Variants in DGKI observed in about 807,000 individuals in gnomAD.
DGKI encodes DAG kinase iota.
In DGKI, 55 loss-of-function variants were observed where a neutral mutation model predicts 147.5. That is an observed-to-expected ratio of 0.37 (90% CI 0.30 to 0.47). The LOEUF (loss-of-function observed/expected upper bound fraction) is 0.47, where lower values mean the gene tolerates loss of function less well. Ranked by LOEUF, DGKI falls within the 20% of genes least tolerant of loss-of-function variation. The pLI is 1.00. For missense variants in DGKI, 1,007 were observed against 1,323.8 expected (o/e 0.76, Z 3.71); for synonymous variants, 469 against 477.1 (o/e 0.98, Z 0.22).
At chr7:137,416,656 G>A (rs570842732) in intron 28 of DGKI, among the ~76,000 whole-genome samples, 94 of 152,284 alleles carry the variant, frequency 6.2e-4, no homozygotes, top group Non-Finnish European at 8.2e-4. Context: ...GCATGTCAGT[G>A]TGAGTCTGCT....
In DGKI at chr7:137,846,769, T is replaced by TGGCGGC. The variant is rs527683728; in HGVS notation, c.88_93dup (p.Ala30_Ala31dup). On this transcript the variant is annotated inframe_insertion, in exon 1 of 33. Transcript: ENST00000614521. This position sits in a 1 kb window ranked among gnomAD's most constrained non-coding sequence, Gnocchi z 4.0. ...GCGCCGCTGCAGGGGCCGGGCGGGC[T>TGGCGGC]GGCGGCGGCGGCGGCGGCGGCTGCA... 1,875 of 1,050,544 alleles carry TGGCGGC rather than the reference T, an allele frequency of 1.8e-3. 16 individuals carry two copies. In the African/African-American group the frequency reaches 0.022, roughly 12 times the overall value. 65.1% of individuals were successfully genotyped at this position (1,050,544 alleles called of 1,614,324 possible). A position where few individuals can be genotyped will look rare whatever the true frequency, so the allele number is the denominator to read the frequency against.
chr7:137,652,457 T>C (rs1822062739), intron 5 of DGKI, among the ~76,000 whole-genome samples: 1 of 152,188 alleles, frequency 6.6e-6, no homozygotes, highest in East Asian at 1.9e-4. Flanking sequence ...TGGAAAGTCA[T>C]AAACTCCATC....
At chr7:137,782,222 G>A (rs1407244960) in intron 1 of DGKI, among the ~76,000 whole-genome samples, 1 of 152,164 alleles carries the variant, frequency 6.6e-6, no homozygotes, top group Non-Finnish European at 1.5e-5. Flanking sequence ...GTCACTGGCT[G>A]CCTGGAAATA....
intron 22 of DGKI, among the ~76,000 whole-genome samples, chr7:137,486,086 C>CA (rs1211926721): frequency 1.3e-5 from 2 of 152,096 alleles, no homozygotes; most frequent in Non-Finnish European, 2.9e-5. Flanking sequence ...TGATTCTATT[C>CA]ACAGATGTCA....
intron 21 of DGKI, among the ~76,000 whole-genome samples, chr7:137,501,489 A>T (rs924281152): frequency 6.6e-6 from 1 of 152,150 alleles, no homozygotes; most frequent in Admixed American, 6.5e-5. Context: ...ATTCCCATCA[A>T]CAGTGTAGAG....
chr7:137,616,280 T>C (rs1334029476), intron 8 of DGKI, among the ~76,000 whole-genome samples: 3 of 152,186 alleles, frequency 2.0e-5, no homozygotes, highest in Non-Finnish European at 4.4e-5. Flanking sequence ...CATAGGATAC[T>C]ATGATGATAA....
chr7:137,637,150 C>A (rs1312485222), intron 6 of DGKI, among the ~76,000 whole-genome samples: 1 of 152,194 alleles, frequency 6.6e-6, no homozygotes, highest in Admixed American at 6.5e-5. Flanking sequence ...TTGGCTAAGG[C>A]CTCTGTTGTG....
intron 2 of DGKI, among the ~76,000 whole-genome samples, chr7:137,689,381 G>A (rs1026444616): frequency 6.6e-6 from 1 of 152,196 alleles, no homozygotes; most frequent in African/African-American, 2.4e-5. Flanking sequence ...TTGTGAGTGT[G>A]TTATGGTTAA....
At chr7:137,474,838 C>T (rs1044621248) in intron 23 of DGKI, among the ~76,000 whole-genome samples, 3 of 152,124 alleles carry the variant, frequency 2.0e-5, no homozygotes, top group Admixed American at 6.5e-5. Flanking sequence ...TTGAGAGGCA[C>T]GACAATCCTG....
At position 137,716,969 on chromosome 7, in the gene DGKI, C is replaced by T. The variant is rs1794395121; in HGVS notation, c.402-26967G>A. Among the ~76,000 whole-genome samples the T allele has an allele frequency of 1.3e-5, 2 of 152,210 alleles. 1 individual carries two copies. The highest frequency in any genetic ancestry group is 4.1e-4 in the South Asian group (2 of 4,826). On this transcript the variant is annotated intron_variant, in intron 1 of 32. Coordinates refer to ENST00000614521, the MANE Select transcript of DGKI (RefSeq NM_001321708.2). ...ATCCTTTTACTCACCAGTAACCTTA[C>T]TCTCTCCTTCCAGATGGGCTTTTAT... is the stretch of plus-strand genomic sequence containing the variant.
At chr7:137,476,280 CAAA>C (rs769891643) in intron 23 of DGKI, among the ~76,000 whole-genome samples, 8 of 152,116 alleles carry the variant, frequency 5.3e-5, no homozygotes, top group Non-Finnish European at 1.2e-4. Context: ...GACAAGCTGT[CAAA>C]AAATCACTGA....
intron 1 of DGKI, among the ~76,000 whole-genome samples, chr7:137,709,668 A>G (rs1254467213): frequency 1.3e-5 from 2 of 152,200 alleles, no homozygotes; most frequent in African/African-American, 4.8e-5. Flanking sequence ...CAAGTCTCAA[A>G]GAATTCCAAA....
At chr7:137,836,452 T>C (rs189633313) in intron 1 of DGKI, among the ~76,000 whole-genome samples, 16 of 152,294 alleles carry the variant, frequency 1.1e-4, no homozygotes, top group Non-Finnish European at 2.1e-4. Flanking sequence ...ACCAGACTCT[T>C]CTAAGAATAT....
chr7:137,574,893 C>T (rs1468676194), intron 17 of DGKI, among the ~76,000 whole-genome samples: 2 of 152,160 alleles, frequency 1.3e-5, no homozygotes, highest in Non-Finnish European at 2.9e-5. Context: ...ACATTACTAG[C>T]TATTGCATTA....
chr7:137,471,380 C>G (rs78039529), intron 23 of DGKI, among the ~76,000 whole-genome samples: 3 of 152,116 alleles, frequency 2.0e-5, no homozygotes, highest in Non-Finnish European at 2.9e-5. Flanking sequence ...GAGAAGAAAA[C>G]AGGAATAACA....
intron 8 of DGKI, among the ~76,000 whole-genome samples, chr7:137,611,105 C>T (rs957479918): frequency 6.6e-6 from 1 of 152,162 alleles, no homozygotes; most frequent in African/African-American, 2.4e-5. Context: ...ATGTCCCTCA[C>T]TGAGGAATAT....
At chr7:137,744,756 C>T (rs539388597) in intron 1 of DGKI, among the ~76,000 whole-genome samples, 6 of 152,212 alleles carry the variant, frequency 3.9e-5, no homozygotes, top group African/African-American at 9.6e-5. Flanking sequence ...AATTAATAAG[C>T]GTGATTTACC....
Position 137,466,908 on chromosome 7 carries a change from T to C in DGKI, c.2478A>G (p.Arg826=). The C allele has an allele frequency of 6.2e-7, 1 of 1,614,106 alleles. No homozygotes were observed. Among genetic ancestry groups the C allele is most frequent in the Non-Finnish European group, 8.5e-7 (1 of 1,180,018 alleles). Residue 826 remains arginine, a synonymous_variant, in exon 25 of 33, where the codon AGA becomes AGG. Transcript: ENST00000614521. ...AGGCTGGAAAAAAACTTACCTGAGA[T>C]CTGTCTATTCGATAAAAGCGATCAG... ...TSADRFYRID[R]SQEHLHFVME...
intron 28 of DGKI, among the ~76,000 whole-genome samples, chr7:137,416,895 A>G (rs1812382194): frequency 6.6e-6 from 1 of 152,192 alleles, no homozygotes; most frequent in South Asian, 2.1e-4. Flanking sequence ...GAAAAGCATG[A>G]ATATTTATTT....
Sources: allele counts gnomAD v4.1 joint callset (sites outside exome capture counted in the v4.1 genomes callset), GRCh38; gene constraint gnomAD v4.1.1; non-coding constraint Gnocchi (gnomAD v3.1); transcripts MANE v1.5; gene names NCBI Gene and HGNC (gene_info 2026-07-23, HGNC 2026-07-21).